Variants in LMO7 observed in about 807,000 individuals in gnomAD.
LMO7 encodes the protein LIM domain only protein 7.
In LMO7, 120 loss-of-function variants were observed where a neutral mutation model predicts 206.5. That is an observed-to-expected ratio of 0.58 (90% CI 0.50 to 0.68). The LOEUF (loss-of-function observed/expected upper bound fraction) is 0.68. LMO7 is among the 30% of genes least tolerant of loss of function. The pLI is 0.00. For missense variants in LMO7, 1,959 were observed against 1,957.9 expected, an observed-to-expected ratio of 1.00 and a Z score of -0.01; for synonymous variants, 706 against 681.5, an observed-to-expected ratio of 1.04 and a Z score of -0.56.
intron 7 of LMO7, 78 bp downstream of exon 7, chr13:75,800,960 G>A (rs2054647612): frequency 7.1e-7 from 1 of 1,409,570 alleles, no homozygotes; most frequent in Non-Finnish European, 9.9e-7. Context: ...TAGAAAAATG[G>A]AGCAAAAACT....
rs562778060 is a variant in LMO7, at chr13:75,711,334, C to G, written c.70-1848C>G. The stretch of plus-strand genomic sequence containing the variant: ...CTCATAAAATGAGTTAGGGAGGACT[C>G]CCTCTTTTTCTATTGATTAGAATAG... On this transcript the variant is annotated intron_variant, in intron 1 of 30. Coordinates refer to ENST00000377534, the MANE Select transcript of LMO7 (RefSeq NM_001306080.2). Among the ~76,000 whole-genome samples, 4 of 152,274 alleles carry G rather than the reference C, an allele frequency of 2.6e-5. No individual in the cohort carries two copies. In the South Asian group the frequency reaches 8.3e-4, roughly 32 times the overall value.
chr13:75,713,084 A>C (rs1458847612), intron 1 of LMO7, 98 bp from the exon 2 acceptor site: 2 of 758,604 alleles, frequency 2.6e-6, no homozygotes, highest in Non-Finnish European at 4.4e-6. Flanking sequence ...AAATCCTTCA[A>C]GTATAACATT....
intron 2 of LMO7, among the ~76,000 whole-genome samples, chr13:75,719,478 G>A (rs2043838568): frequency 6.6e-6 from 1 of 152,136 alleles, no homozygotes; most frequent in Non-Finnish European, 1.5e-5. Context: ...CCCAGTGTTG[G>A]GGGAGGGACC....
chr13:75,726,984 G>A, intron 2 of LMO7, 45 bp from the exon 3 acceptor site: 1 of 1,075,838 alleles, frequency 9.3e-7, no homozygotes, highest in Non-Finnish European at 1.4e-6. Flanking sequence ...CAAAAAACCT[G>A]ATATTGGCAT....
At chr13:75,633,170 A>G (rs2035221580), upstream of LMO7, among the ~76,000 whole-genome samples, 1 of 152,038 alleles carries the variant, frequency 6.6e-6, no homozygotes, top group Admixed American at 6.6e-5. Context: ...GCCGCACTTA[A>G]AAGTTTTTGA....
At chr13:75,815,336 G>T (rs1259010936) in intron 11 of LMO7, among the ~76,000 whole-genome samples, 1 of 152,166 alleles carries the variant, frequency 6.6e-6, no homozygotes, top group African/African-American at 2.4e-5. Context: ...GATATATTTA[G>T]AAGGCAGAGG....
chr13:75,708,681 G>A (rs2042839299), intron 1 of LMO7, among the ~76,000 whole-genome samples: 2 of 152,206 alleles, frequency 1.3e-5, no homozygotes, highest in Admixed American at 6.5e-5. Context: ...ATTCAAAAGA[G>A]TTTCTCTTGC....
chr13:75,694,832 T>G (rs2041783717), intron 1 of LMO7, among the ~76,000 whole-genome samples: 1 of 152,132 alleles, frequency 6.6e-6, no homozygotes. Flanking sequence ...ACTTGAGGAC[T>G]AGGGCTTGGA....
At chr13:75,729,627 C>G (rs991027595) in intron 3 of LMO7, among the ~76,000 whole-genome samples, 1 of 150,718 alleles carries the variant, frequency 6.6e-6, no homozygotes, top group Non-Finnish European at 1.5e-5. Flanking sequence ...ATTTCCTTCT[C>G]CTGCCTAATT....
intron 1 of LMO7, among the ~76,000 whole-genome samples, chr13:75,697,323 T>G (rs1312076450): frequency 6.6e-6 from 1 of 152,178 alleles, no homozygotes; most frequent in African/African-American, 2.4e-5. Context: ...GAAAGAGGTT[T>G]AATGGACTCA....
chr13:75,801,829 C>T (rs1376290947), intron 7 of LMO7, among the ~76,000 whole-genome samples: 1 of 152,146 alleles, frequency 6.6e-6, no homozygotes, highest in Non-Finnish European at 1.5e-5. Flanking sequence ...TTTTTCCTAG[C>T]ATATCTATGA....
At chr13:75,770,133 G>A (rs2049433936) in intron 4 of LMO7, among the ~76,000 whole-genome samples, 1 of 151,546 alleles carries the variant, frequency 6.6e-6, no homozygotes, top group African/African-American at 2.4e-5. Flanking sequence ...AGAATGACAT[G>A]CCAGATCCTG....
At chr13:75,855,179 T>G in intron 28 of LMO7, 81 bp from the exon 29 acceptor site, 2 of 804,978 alleles carry the variant, frequency 2.5e-6, no homozygotes, top group Non-Finnish European at 4.2e-6. Flanking sequence ...TTATCAGTGT[T>G]AATAGCAGAG....
At chr13:75,626,578 T>C (rs1413345757) in intron 2 of LMO7, among the ~76,000 whole-genome samples, 1 of 25,382 alleles carries the variant, frequency 3.9e-5, no homozygotes, top group Non-Finnish European at 1.1e-4. Context: ...ACATATATAT[T>C]ATATATATAT....
chr13:75,780,165 T>C (rs2051111539), intron 4 of LMO7, among the ~76,000 whole-genome samples: 1 of 152,174 alleles, frequency 6.6e-6, no homozygotes, highest in Non-Finnish European at 1.5e-5. Flanking sequence ...GTGCATGCAT[T>C]GTCATTGATA....
intron 26 of LMO7, among the ~76,000 whole-genome samples, chr13:75,848,621 A>G (rs1595517630): frequency 1.6e-4 from 2 of 12,814 alleles, no homozygotes; most frequent in South Asian, 6.8e-3. Context: ...GATACCCAGT[A>G]TATATATATA....
At chr13:75,693,765 G>GAGC (rs2041682627) in intron 1 of LMO7, among the ~76,000 whole-genome samples, 1 of 152,162 alleles carries the variant, frequency 6.6e-6, no homozygotes, top group Non-Finnish European at 1.5e-5. Context: ...TGTGGCCGAG[G>GAGC]AGCATGGGTG....
At chr13:75,827,063 A>T (rs986499052) in intron 15 of LMO7, among the ~76,000 whole-genome samples, 1 of 152,110 alleles carries the variant, frequency 6.6e-6, no homozygotes, top group African/African-American at 2.4e-5. Context: ...CAAACTTCTT[A>T]CCCTTGAAAA....
upstream of LMO7, among the ~76,000 whole-genome samples, chr13:75,633,678 A>G (rs991600405): frequency 3.3e-5 from 5 of 152,122 alleles, no homozygotes; most frequent in East Asian, 1.9e-4. Flanking sequence ...CTAAAATGCA[A>G]TGGGTGGTCA....
Sources: allele counts gnomAD v4.1 joint callset (sites outside exome capture counted in the v4.1 genomes callset), GRCh38; gene constraint gnomAD v4.1.1; transcripts MANE v1.5; gene names NCBI Gene and HGNC (gene_info 2026-07-23, HGNC 2026-07-21).